The following PSMD9 variants were observed in gnomAD, a reference collection of about 807,000 sequenced individuals.
The protein encoded by PSMD9 is proteasome 26S subunit, non-ATPase 9.
A neutral mutation model predicts 25.9 loss-of-function variants in PSMD9; 26 were observed. The ratio of observed to expected loss-of-function variants is 1.00; its 90% confidence interval spans 0.73 to 1.39. The LOEUF is 1.39. Among genes scored for constraint, PSMD9 ranks in the 40% most tolerant of loss-of-function variants. PSMD9 has a pLI of 0.00. For synonymous variants in PSMD9, 110 were observed against 114.5 expected (o/e 0.96, Z 0.25); for missense variants, 303 against 299.3 (o/e 1.01, Z -0.09).
At chr12:121,909,727 C>A (rs1164224107) in intron 4 of PSMD9, among the ~76,000 whole-genome samples, 2 of 152,200 alleles carry the variant, frequency 1.3e-5, no homozygotes, top group Non-Finnish European at 2.9e-5. Context: ...TTTGTATCTT[C>A]ATTCCTTTGA....
intron 3 of PSMD9, among the ~76,000 whole-genome samples, chr12:121,901,639 G>A (rs1007693702): frequency 5.4e-5 from 8 of 148,342 alleles, no homozygotes; most frequent in Non-Finnish European, 1.0e-4. Flanking sequence ...ACAGGCATGA[G>A]CTGTCATGCC....
At chr12:121,896,984 T>A (rs1879251586) in intron 2 of PSMD9, among the ~76,000 whole-genome samples, 1 of 137,046 alleles carries the variant, frequency 7.3e-6, no homozygotes, top group Non-Finnish European at 1.6e-5. Context: ...TATACACACA[T>A]ACATGTGTAT....
chr12:121,912,810 G>T (rs995605636), intron 4 of PSMD9, among the ~76,000 whole-genome samples: 2 of 141,670 alleles, frequency 1.4e-5, no homozygotes, highest in Non-Finnish European at 3.0e-5. Flanking sequence ...AGGTTGCAGT[G>T]AGCTAAGGGA....
intron 4 of PSMD9, chr12:121,914,746 C>G (rs1022841114): frequency 1.3e-5 from 2 of 152,020 alleles, no homozygotes; most frequent in Non-Finnish European, 2.9e-5. Flanking sequence ...CCCAGCTACT[C>G]AGGAGGCTGA....
chr12:121,901,596 C>G (rs891745561), intron 3 of PSMD9, among the ~76,000 whole-genome samples: 2 of 151,214 alleles, frequency 1.3e-5, no homozygotes, highest in African/African-American at 4.9e-5. Flanking sequence ...CTCAAGCGAT[C>G]CTTCTTCCTC....
intron 4 of PSMD9, among the ~76,000 whole-genome samples, chr12:121,903,567 C>T (rs553205936): frequency 6.6e-6 from 1 of 152,068 alleles, no homozygotes; most frequent in East Asian, 1.9e-4. Flanking sequence ...TTGCTCAGCA[C>T]AGCCCCATTC....
intron 1 of PSMD9, chr12:121,894,076 A>G (rs967074006): frequency 6.6e-6 from 1 of 152,038 alleles, no homozygotes; most frequent in African/African-American, 2.4e-5. Flanking sequence ...ACCAATTGCA[A>G]AGCCCCTCCC....
At chr12:121,911,184 C>T (rs1467130432) in intron 4 of PSMD9, among the ~76,000 whole-genome samples, 2 of 152,108 alleles carry the variant, frequency 1.3e-5, no homozygotes, top group African/African-American at 2.4e-5. Flanking sequence ...GGACTACAGG[C>T]GTATGCCACC....
At chr12:121,911,416 G>A (rs967662522) in intron 4 of PSMD9, among the ~76,000 whole-genome samples, 1 of 152,074 alleles carries the variant, frequency 6.6e-6, no homozygotes, top group African/African-American at 2.4e-5. Context: ...CCTTTTAAAG[G>A]CTGTATAATA....
intron 3 of PSMD9, 165 bp from the exon 4 acceptor site, chr12:121,902,840 GC>G (rs1164586300): frequency 1.7e-6 from 1 of 584,900 alleles, no homozygotes; most frequent in Non-Finnish European, 3.1e-6. Flanking sequence ...GTTACCCACT[GC>G]CCCTTCCTGC....
chr12:121,889,432 G>A (rs920569381), intron 1 of PSMD9, among the ~76,000 whole-genome samples: 17 of 152,140 alleles, frequency 1.1e-4, no homozygotes, highest in African/African-American at 4.1e-4. Context: ...TGCCCAGGTT[G>A]GTATCGAACT....
At chr12:121,899,518 C>T in intron 2 of PSMD9, 116 bp from the exon 3 acceptor site, 1 of 991,458 alleles carries the variant, frequency 1.0e-6, no homozygotes, top group Non-Finnish European at 1.5e-6. Flanking sequence ...TCCTTCTCAC[C>T]TCTAGCTCCA....
At chr12:121,889,163 T>A (rs1203964153) in intron 1 of PSMD9, among the ~76,000 whole-genome samples, 169 bp downstream of exon 1, 1 of 152,238 alleles carries the variant, frequency 6.6e-6, no homozygotes, top group African/African-American at 2.4e-5. Context: ...GCAAAGAACT[T>A]TAGCAACTGA....
intron 4 of PSMD9, among the ~76,000 whole-genome samples, chr12:121,904,652 T>TTATTATTATTATTAC (rs1555214065): frequency 2.4e-5 from 2 of 83,304 alleles, no homozygotes; most frequent in African/African-American, 5.8e-5. Context: ...ATTATTATTA[T>TTATTATTATTATTAC]TATTATTATT....
chr12:121,915,897 C>G lies in PSMD9; in HGVS notation c.597C>G (p.His199Gln). 1.9e-6 allele frequency: 3 copies of G among 1,613,902 alleles called. No homozygotes were observed. Among genetic ancestry groups the G allele is most frequent in the Non-Finnish European group, 2.5e-6 (3 of 1,179,946 alleles). The change falls in exon 5 of 6, where the codon CAC becomes CAG. Residue 199 changes from histidine to glutamine, a missense_variant. Transcript: ENST00000541212. ...CAGTGATCCGCAGGGGGGAAAAACA[C>G]CAGCTTAGACTTGTTCCAACACGCT... The part of the protein sequence containing the change: ...NVTVIRRGEK[H>Q]QLRLVPTRWA...
intron 1 of PSMD9, chr12:121,894,439 AGAGGCTG>A: frequency 3.5e-6 from 1 of 287,506 alleles, no homozygotes; most frequent in Non-Finnish European, 6.8e-6. Context: ...GAGTGGAGGA[AGAGGCTG>A]GCCTTGGGGA....
chr12:121,914,049 C>T (rs1459895849), intron 4 of PSMD9, among the ~76,000 whole-genome samples: 1 of 152,028 alleles, frequency 6.6e-6, no homozygotes, highest in Non-Finnish European at 1.5e-5. Context: ...GTGCACACCA[C>T]CATGCCTCGC....
chr12:121,894,884 A>G, intron 2 of PSMD9, 43 bp downstream of exon 2: 1 of 1,482,820 alleles, frequency 6.7e-7, no homozygotes, highest in Non-Finnish European at 9.3e-7. Flanking sequence ...TTGTGGTGGG[A>G]AGGTGTTAAA....
intron 1 of PSMD9, 113 bp from the exon 2 acceptor site, chr12:121,894,625 GC>G: frequency 1.2e-6 from 1 of 833,010 alleles, no homozygotes; most frequent in East Asian, 2.6e-5. Context: ...TCAGTATGTG[GC>G]AGTTTTCATT....
Sources: allele counts gnomAD v4.1 joint callset (sites outside exome capture counted in the v4.1 genomes callset), GRCh38; gene constraint gnomAD v4.1.1; transcripts MANE v1.5; gene names NCBI Gene and HGNC (gene_info 2026-07-23, HGNC 2026-07-21).